NMRK1: variants seen among roughly 807,000 people sequenced by gnomAD.
The protein encoded by NMRK1 is nicotinamide riboside kinase 1, also known as NRK 1.
NMRK1 carries 28 observed loss-of-function variants against 29.9 expected under a neutral mutation model. That is an observed-to-expected ratio of 0.94 (90% CI 0.69 to 1.28). The LOEUF is 1.28. Among genes scored for constraint, NMRK1 ranks in the 50% most tolerant of loss-of-function variants. The pLI is 0.00. For synonymous variants in NMRK1, 58 were observed against 73.0 expected, an observed-to-expected ratio of 0.79 and a Z score of 1.05; for missense variants, 218 against 233.1, an observed-to-expected ratio of 0.94 and a Z score of 0.42.
At chr9:75,082,773 T>C (rs1228644320) in intron 2 of NMRK1, 1 of 364,546 alleles carries the variant, frequency 2.7e-6, no homozygotes, top group East Asian at 4.8e-5. Flanking sequence ...AGGAGAATGA[T>C]ATGGGGAATG....
intron 4 of NMRK1, among the ~76,000 whole-genome samples, chr9:75,072,603 G>A (rs1255903782): frequency 6.6e-6 from 1 of 152,130 alleles, no homozygotes; most frequent in Non-Finnish European, 1.5e-5. Flanking sequence ...ATTAAAACTG[G>A]ATGGCGAACT....
At chr9:75,067,507 T>C (rs1388929423) in intron 7 of NMRK1, among the ~76,000 whole-genome samples, 1 of 152,128 alleles carries the variant, frequency 6.6e-6, no homozygotes, top group Non-Finnish European at 1.5e-5. Context: ...ATGCACCCTT[T>C]GGAATGGCTA....
chr9:75,075,596 T>G (rs1823943254), intron 4 of NMRK1, among the ~76,000 whole-genome samples: 1 of 152,230 alleles, frequency 6.6e-6, no homozygotes, highest in South Asian at 2.1e-4. Flanking sequence ...AATCAAATAT[T>G]AAACTGCCTA....
intron 4 of NMRK1, among the ~76,000 whole-genome samples, chr9:75,074,060 C>CA (rs1432991768): frequency 6.6e-6 from 1 of 151,538 alleles, no homozygotes; most frequent in Non-Finnish European, 1.5e-5. Context: ...TATCCTTTTT[C>CA]TTTTTTTTCT....
chr9:75,062,446 C>T (rs953533405), intron 8 of NMRK1, among the ~76,000 whole-genome samples: 1 of 152,062 alleles, frequency 6.6e-6, no homozygotes, highest in African/African-American at 2.4e-5. Flanking sequence ...GGGTCAATGT[C>T]AAGTCTTACA....
chr9:75,067,080 T>C (rs113371362), intron 7 of NMRK1: 1 of 351,260 alleles, frequency 2.8e-6, no homozygotes, highest in African/African-American at 2.1e-5. Context: ...AATTATTTAA[T>C]TAAAAGAGAA....
At chr9:75,075,136 T>C (rs1823916657) in intron 4 of NMRK1, among the ~76,000 whole-genome samples, 1 of 152,234 alleles carries the variant, frequency 6.6e-6, no homozygotes, top group Non-Finnish European at 1.5e-5. Flanking sequence ...TTATTGTACA[T>C]TTATTAATCC....
chr9:75,066,363 T>C (rs1823348702), intron 8 of NMRK1: 1 of 454,560 alleles, frequency 2.2e-6, no homozygotes, highest in Admixed American at 2.6e-5. Flanking sequence ...ATTTGGAAAG[T>C]AGAAATTTTA....
In NMRK1 at chr9:75,060,860, AACACACACACACACACAC is replaced by A. The variant is rs10525751; in HGVS notation, c.*670_*687del. 1 of 136,582 alleles carries A rather than the reference AACACACACACACACACAC, an allele frequency of 7.3e-6. No homozygotes were observed. The highest frequency in any genetic ancestry group is 1.7e-5 in the Non-Finnish European group (1 of 59,250). 8.5% of individuals were successfully genotyped at this position (136,582 alleles called of 1,614,324 possible). On this transcript the variant is annotated 3_prime_UTR_variant, in exon 9 of 9. Transcript: ENST00000361092. ...GATACAATGGTATTAGATACACGCC[AACACACACACACACACAC>A]ACACACACACACACACACACTCAAC...
intron 2 of NMRK1, among the ~76,000 whole-genome samples, chr9:75,079,849 C>T (rs1243746355): frequency 2.6e-5 from 4 of 152,160 alleles, no homozygotes; most frequent in Admixed American, 6.5e-5. Context: ...TCCTATGGCA[C>T]GCCCACAACC....
intron 4 of NMRK1, 95 bp downstream of exon 4, chr9:75,077,064 C>G (rs1226684017): frequency 1.4e-6 from 1 of 734,722 alleles, no homozygotes; most frequent in African/African-American, 1.8e-5. Flanking sequence ...AATTTTTGTT[C>G]CACAGAACCA....
At position 75,067,130 on chromosome 9, in the gene NMRK1, A is replaced by T. The variant is rs1223307880; in HGVS notation, c.497-290T>A. 2.9e-5 allele frequency: 8 copies of T among 275,736 alleles called. No homozygotes were observed. In the East Asian group the frequency reaches 6.2e-4, roughly 22 times the overall value. The allele number at this position is 275,736 out of a possible 1,614,324, so 17.1% of individuals were successfully genotyped here. A position where few individuals can be genotyped will look rare whatever the true frequency, so the allele number is the denominator to read the frequency against. On this transcript the variant is annotated intron_variant, in intron 7 of 8. Transcript: ENST00000361092. The stretch of plus-strand genomic sequence containing the variant: ...AAAGGAGGAAAGAAACAGAAGAAAG[A>T]AAGTGGTGTTGTGCATACGGCACTT...
intron 1 of NMRK1, among the ~76,000 whole-genome samples, chr9:75,087,221 C>A (rs1362434588): frequency 3.3e-5 from 5 of 151,964 alleles, no homozygotes; most frequent in African/African-American, 1.2e-4. Context: ...CAATTCATGC[C>A]CCTCCCCCAT....
chr9:75,068,963 A>C (rs753407772), intron 7 of NMRK1, 33 bp downstream of exon 7: 2 of 1,423,934 alleles, frequency 1.4e-6, no homozygotes, highest in Non-Finnish European at 2.0e-6. Flanking sequence ...TGACAAGTAA[A>C]AGGCCTTGAA....
In NMRK1 at chr9:75,069,017, G is replaced by A. The variant is rs1823533868; in HGVS notation, c.475C>T (p.Gln159Ter). The change falls in exon 7 of 9, where the codon CAG becomes TAG. Residue 159 changes from glutamine (Q) to a stop codon, truncating the protein, a stop_gained. Transcript: ENST00000361092. LOFTEE classifies it high-confidence loss of function. ...PMYLKYRQEM[Q>*]DITWEVVYLD... is the part of the protein sequence containing the mutation. ...TTACCAACTTCCCATGTGATGTCCT[G>A]CATTTCTTGTCTGTACTTTAGATAC... 2 of 1,613,496 alleles carry A rather than the reference G, an allele frequency of 1.2e-6. No homozygotes were observed. The highest frequency in any genetic ancestry group is 8.5e-7 in the Non-Finnish European group (1 of 1,179,398).
intron 2 of NMRK1, among the ~76,000 whole-genome samples, chr9:75,081,539 G>A (rs1824321362): frequency 6.6e-6 from 1 of 152,228 alleles, no homozygotes; most frequent in Non-Finnish European, 1.5e-5. Flanking sequence ...ACAGAAGGTA[G>A]GTTTCTAGGT....
rs552904080 is a variant in NMRK1 at position 75,086,151 on chromosome 9, A to G, written c.-36+1857T>C. On this transcript the variant is annotated intron_variant, in intron 1 of 8. Coordinates refer to ENST00000361092, the MANE Select transcript of NMRK1 (RefSeq NM_017881.3). ...ATTGCAGCCTTGGTGACACAGCGAG[A>G]CCCTATCTTGAAAAAAACCAAAACA... Among the ~76,000 whole-genome samples the G allele has an allele frequency of 4.0e-5, 6 of 151,814 alleles. No individual in the cohort carries two copies. The South Asian group carries it at 1.0e-3, about 26-fold the overall frequency.
chr9:75,075,045 G>T (rs1564134069), intron 4 of NMRK1, among the ~76,000 whole-genome samples: 2 of 152,072 alleles, frequency 1.3e-5, no homozygotes, highest in African/African-American at 4.8e-5. Flanking sequence ...GCTATCACTG[G>T]CTAATTATCA....
intron 4 of NMRK1, 100 bp from the exon 5 acceptor site, chr9:75,070,142 C>T: frequency 3.7e-6 from 3 of 802,960 alleles, no homozygotes; most frequent in Non-Finnish European, 5.7e-6. Context: ...AATATATACA[C>T]CACCATTTTA....
Sources: allele counts gnomAD v4.1 joint callset (sites outside exome capture counted in the v4.1 genomes callset), GRCh38; gene constraint gnomAD v4.1.1; transcripts MANE v1.5; gene names NCBI Gene and HGNC (gene_info 2026-07-23, HGNC 2026-07-21).